The following EBF1 variants were observed in gnomAD, a reference collection of about 807,000 sequenced individuals.
The protein encoded by EBF1 is transcription factor COE1.
A neutral mutation model predicts 68.4 loss-of-function variants in EBF1; 10 were observed. The ratio of observed to expected loss-of-function variants is 0.15; its 90% CI spans 0.09 to 0.25. EBF1 has a LOEUF of 0.25. Among genes scored for constraint, EBF1 ranks in the 10% least tolerant of loss-of-function variants. The pLI, the probability that EBF1 is intolerant of heterozygous loss-of-function variation, is 1.00. For synonymous variants in EBF1, 298 were observed against 299.8 expected, an observed-to-expected ratio of 0.99 and a Z score of 0.06; for missense variants, 509 against 794.4, an observed-to-expected ratio of 0.64 and a Z score of 4.32.
intron 6 of EBF1, among the ~76,000 whole-genome samples, chr5:159,011,022 C>G (rs1764552758): frequency 6.6e-6 from 1 of 152,182 alleles, no homozygotes; most frequent in South Asian, 2.1e-4. Flanking sequence ...GCCACAAAGA[C>G]TTTGCGGGGA....
intron 10 of EBF1, among the ~76,000 whole-genome samples, chr5:158,743,021 C>T (rs183550179): frequency 5.3e-5 from 8 of 152,132 alleles, no homozygotes; most frequent in African/African-American, 1.9e-4. Flanking sequence ...CTGTGAGTCC[C>T]CAGCTGGAAA....
Position 158,698,411 on chromosome 5 carries a change from T to A in EBF1, c.*700A>T, listed in dbSNP as rs550971521. 33 of 224,288 alleles carry A rather than the reference T, an allele frequency of 1.5e-4. No individual in the cohort carries two copies. The East Asian group carries it at 2.1e-3, about 14-fold the overall frequency. 13.9% of individuals were successfully genotyped at this position (224,288 alleles called of 1,614,324 possible). Reference sequence around the variant, plus strand: ...TTTTCGAGTAGAGGGAAAAATGTGATCACTTACATCGCGTTTTAACTTTCC... The same window carrying A: ...TTTTCGAGTAGAGGGAAAAATGTGAACACTTACATCGCGTTTTAACTTTCC... On this transcript the variant is annotated 3_prime_UTR_variant, in exon 16 of 16. Transcript: ENST00000313708.
intron 6 of EBF1, among the ~76,000 whole-genome samples, chr5:158,878,639 C>T (rs956658969): frequency 7.2e-5 from 7 of 97,892 alleles, no homozygotes; most frequent in Non-Finnish European, 1.9e-5. Flanking sequence ...CTACTTCTAG[C>T]CAGCCTTTTT....
At chr5:158,889,062 A>G (rs1339831050) in intron 6 of EBF1, among the ~76,000 whole-genome samples, 1 of 152,106 alleles carries the variant, frequency 6.6e-6, no homozygotes, top group South Asian at 2.1e-4. Flanking sequence ...TATGTTCCCC[A>G]CTGAGAAAGA....
At chr5:158,838,761 C>G (rs1789461015) in intron 7 of EBF1, among the ~76,000 whole-genome samples, 1 of 152,222 alleles carries the variant, frequency 6.6e-6, no homozygotes, top group African/African-American at 2.4e-5. Flanking sequence ...TCAATCTACA[C>G]TTAAAGCTGA....
chr5:158,822,312 GGATA>G (rs1241437639), intron 8 of EBF1, among the ~76,000 whole-genome samples: 102 of 137,686 alleles, frequency 7.4e-4, no homozygotes, highest in Middle Eastern at 3.9e-3. Context: ...ATGGATGGAT[GGATA>G]GATGGATAGA....
At chr5:159,070,382 G>A (rs2127932576) in intron 6 of EBF1, among the ~76,000 whole-genome samples, 1 of 152,292 alleles carries the variant, frequency 6.6e-6, no homozygotes, top group Non-Finnish European at 1.5e-5. Flanking sequence ...CCATAAGGAT[G>A]AAGTATAATA....
At chr5:159,078,426 A>T (rs1283208299) in intron 5 of EBF1, among the ~76,000 whole-genome samples, 1 of 152,246 alleles carries the variant, frequency 6.6e-6, no homozygotes. Flanking sequence ...TAACGGAAAA[A>T]GTGACAGTGT....
In EBF1 at chr5:158,696,760, C is replaced by T. The variant is rs140454660; in HGVS notation, c.*2351G>A. ...CCATAAAAATCGCACTCTTGACAGC[C>T]TAGTGAAAACCATTGCAAAATCCAT... On this transcript the variant is annotated 3_prime_UTR_variant, in exon 16 of 16. Transcript: ENST00000313708. 4.8e-3 allele frequency: 894 copies of T among 185,732 alleles called. No homozygotes were observed. The highest frequency in any genetic ancestry group is 7.5e-3 in the Non-Finnish European group (669 of 89,300). The allele number at this position is 185,732 out of a possible 1,614,324, so 11.5% of individuals were successfully genotyped here.
chr5:158,829,074 G>A (rs924900661), intron 7 of EBF1, among the ~76,000 whole-genome samples: 1 of 152,180 alleles, frequency 6.6e-6, no homozygotes, highest in Non-Finnish European at 1.5e-5. Context: ...GATTTTTAGA[G>A]CAGTGAAACC....
At chr5:159,025,565 C>T (rs781242767) in intron 6 of EBF1, among the ~76,000 whole-genome samples, 1 of 152,166 alleles carries the variant, frequency 6.6e-6, no homozygotes, top group Non-Finnish European at 1.5e-5. Flanking sequence ...CCTTATTAAC[C>T]CTTGCTGGTA....
At chr5:158,964,477 T>C (rs1034298903) in intron 6 of EBF1, among the ~76,000 whole-genome samples, 5 of 152,080 alleles carry the variant, frequency 3.3e-5, no homozygotes, top group Admixed American at 2.0e-4. Context: ...GAGATAATGG[T>C]GAATTCAACT....
At chr5:158,966,630 CAT>C (rs1173902457) in intron 6 of EBF1, among the ~76,000 whole-genome samples, 1 of 152,182 alleles carries the variant, frequency 6.6e-6, no homozygotes, top group African/African-American at 2.4e-5. Context: ...AAACCAAACA[CAT>C]ATTCTTTTTC....
intron 6 of EBF1, among the ~76,000 whole-genome samples, chr5:159,006,647 T>TTAAA (rs1763612371): frequency 1.8e-5 from 1 of 56,226 alleles, no homozygotes; most frequent in Non-Finnish European, 3.0e-5. Context: ...ATAGCCATGT[T>TTAAA]AAAAAAAAAA....
chr5:158,875,692 T>C (rs1582799255), intron 6 of EBF1, among the ~76,000 whole-genome samples: 1 of 152,228 alleles, frequency 6.6e-6, no homozygotes, highest in Non-Finnish European at 1.5e-5. Flanking sequence ...TGAATTCACG[T>C]CTTGATTTCC....
At chr5:158,724,784 T>A (rs1054623773) in intron 11 of EBF1, among the ~76,000 whole-genome samples, 1 of 152,234 alleles carries the variant, frequency 6.6e-6, no homozygotes, top group Non-Finnish European at 1.5e-5. Context: ...GCTGATTTAC[T>A]AAATTATTAT....
intron 10 of EBF1, among the ~76,000 whole-genome samples, chr5:158,754,715 T>A (rs1332201716): frequency 6.6e-6 from 1 of 152,122 alleles, no homozygotes; most frequent in Non-Finnish European, 1.5e-5. Context: ...TAGCAAATAC[T>A]ACATTTTGAC....
chr5:158,753,880 T>A (rs749502921), intron 10 of EBF1, among the ~76,000 whole-genome samples: 6 of 152,128 alleles, frequency 3.9e-5, no homozygotes, highest in Non-Finnish European at 7.4e-5. Context: ...GCATGAGTAT[T>A]CTATAAACAA....
At chr5:158,742,655 A>G (rs1007275062) in intron 10 of EBF1, among the ~76,000 whole-genome samples, 4 of 152,210 alleles carry the variant, frequency 2.6e-5, no homozygotes, top group African/African-American at 9.6e-5. Flanking sequence ...CAGCAGGAAG[A>G]TGTGGGGTTC....
Sources: allele counts gnomAD v4.1 joint callset (sites outside exome capture counted in the v4.1 genomes callset), GRCh38; gene constraint gnomAD v4.1.1; transcripts MANE v1.5; gene names NCBI Gene and HGNC (gene_info 2026-07-23, HGNC 2026-07-21).